ETNK1: variants seen among roughly 807,000 people sequenced by gnomAD.
ETNK1 encodes the protein putative protein product of Nbla10396.
Under a neutral mutation model 45.1 loss-of-function variants are expected in ETNK1, and 8 were observed. The ratio of observed to expected loss-of-function variants is 0.18; its 90% CI spans 0.10 to 0.32. The LOEUF (loss-of-function observed/expected upper bound fraction) is 0.32. ETNK1 is among the 10% of genes least tolerant of loss of function. The pLI, the probability that ETNK1 is intolerant of heterozygous loss-of-function variation, is 1.00. For missense variants in ETNK1, 302 were observed against 430.6 expected, an observed-to-expected ratio of 0.70 and a Z score of 2.64; for synonymous variants, 152 against 151.9, an observed-to-expected ratio of 1.00 and a Z score of -0.01.
At chr12:22,655,167 C>A (rs931817726) in intron 2 of ETNK1, among the ~76,000 whole-genome samples, 1 of 152,068 alleles carries the variant, frequency 6.6e-6, no homozygotes, top group Non-Finnish European at 1.5e-5. Flanking sequence ...GGGGTTTCAC[C>A]ATGTTGGCCA....
chr12:22,659,210 G>A, intron 3 of ETNK1, 56 bp downstream of exon 3: 2 of 1,487,338 alleles, frequency 1.3e-6, no homozygotes, highest in Non-Finnish European at 1.8e-6. Flanking sequence ...TCTATGATAG[G>A]GTTTCAAAGG....
intron 6 of ETNK1, among the ~76,000 whole-genome samples, chr12:22,679,827 G>A (rs536173075): frequency 1.3e-5 from 2 of 151,916 alleles, no homozygotes; most frequent in East Asian, 3.9e-4. Flanking sequence ...CAGTAGCTAG[G>A]AGTACAGGCG....
At position 22,682,043 on chromosome 12, in the gene ETNK1, T is replaced by C. The variant is rs553361838; in HGVS notation, c.946-2440T>C. ...AAATCTACTGGTTTATCTTGCAGATTGAATGATTCTTTTACCTGTATGTGA... is the reference window on the plus strand; with the variant it reads ...AAATCTACTGGTTTATCTTGCAGATCGAATGATTCTTTTACCTGTATGTGA... On this transcript the variant is annotated intron_variant, in intron 6 of 7. Transcript: ENST00000266517. Among the ~76,000 whole-genome samples the C allele has an allele frequency of 4.6e-5, 7 of 152,310 alleles. No individual in the cohort carries two copies. In the East Asian group the frequency reaches 1.2e-3, roughly 25 times the overall value.
Position 22,625,238 on chromosome 12 carries a change from T to C in ETNK1, c.-193T>C, listed in dbSNP as rs777415583. ...GAGAGCGGGCCGGGCTCAGTTCAGC[T>C]GCTGTCCAGACCCGGATCGGCAACA... is the stretch of plus-strand genomic sequence containing the variant. On this transcript the variant is annotated 5_prime_UTR_variant, in exon 1 of 8. Transcript: ENST00000266517. 1 of 1,612,114 alleles carries C rather than the reference T, an allele frequency of 6.2e-7. No homozygotes were observed. Among genetic ancestry groups the C allele is most frequent in the South Asian group, 1.1e-5 (1 of 91,024 alleles).
intron 1 of ETNK1, among the ~76,000 whole-genome samples, chr12:22,631,291 C>T (rs1206842744): frequency 3.3e-5 from 5 of 151,972 alleles, no homozygotes. Flanking sequence ...TCTCCTGCCT[C>T]AGCCTCCAGA....
chr12:22,659,201 C>A, intron 3 of ETNK1, 47 bp downstream of exon 3: 2 of 1,545,954 alleles, frequency 1.3e-6, no homozygotes, highest in South Asian at 1.2e-5. Context: ...TTGCTTTGCT[C>A]TATGATAGGG....
intron 2 of ETNK1, among the ~76,000 whole-genome samples, chr12:22,649,595 A>T (rs375363269): frequency 2.3e-4 from 35 of 151,974 alleles, no homozygotes; most frequent in African/African-American, 7.2e-4. Flanking sequence ...TGCAGATATC[A>T]CACTACCTTA....
At chr12:22,661,025 T>G in intron 3 of ETNK1, 38 bp from the exon 4 acceptor site, 1 of 1,566,266 alleles carries the variant, frequency 6.4e-7, no homozygotes, top group Non-Finnish European at 8.6e-7. Flanking sequence ...TTGAAAAAAA[T>G]GTCACACAAG....
chr12:22,684,437 A>G (rs746372649), intron 6 of ETNK1, 46 bp from the exon 7 acceptor site: 1 of 1,342,486 alleles, frequency 7.4e-7, no homozygotes. Flanking sequence ...TGTTTTACAG[A>G]GAAATTCATT....
At chr12:22,653,055 G>C (rs1412976551) in intron 2 of ETNK1, among the ~76,000 whole-genome samples, 2 of 152,080 alleles carry the variant, frequency 1.3e-5, no homozygotes, top group Admixed American at 6.6e-5. Context: ...TTTGGATGTG[G>C]ATATCTAGTT....
intron 2 of ETNK1, chr12:22,644,421 T>A: frequency 8.5e-7 from 1 of 1,170,544 alleles, no homozygotes; most frequent in South Asian, 3.4e-5. Context: ...AACAATTCTT[T>A]GTTCTTTACG....
intron 3 of ETNK1, among the ~76,000 whole-genome samples, chr12:22,660,694 T>C (rs1043048299): frequency 2.6e-4 from 40 of 152,114 alleles, no homozygotes; most frequent in South Asian, 2.1e-4. Context: ...TACTTAAACC[T>C]CTATTTATTA....
intron 1 of ETNK1, 171 bp downstream of exon 1, chr12:22,625,757 C>T (rs1953485452): frequency 1.0e-6 from 1 of 994,690 alleles, no homozygotes; most frequent in Admixed American, 2.0e-5. Flanking sequence ...GGGTCACTCC[C>T]CCTTCCCGTC....
chr12:22,662,411 A>G (rs1401952791), intron 4 of ETNK1, among the ~76,000 whole-genome samples: 2 of 129,598 alleles, frequency 1.5e-5, no homozygotes, highest in Admixed American at 8.0e-5. Flanking sequence ...TTTTTTTTTA[A>G]GTGACTGGAT....
chr12:22,672,366 G>T (rs1482905682), intron 5 of ETNK1, among the ~76,000 whole-genome samples: 4 of 151,878 alleles, frequency 2.6e-5, no homozygotes, highest in African/African-American at 9.7e-5. Flanking sequence ...TTATATTTGT[G>T]TAAGTTTATA....
intron 1 of ETNK1, chr12:22,639,024 AAG>A (rs1953694169): frequency 6.6e-6 from 1 of 152,156 alleles, no homozygotes; most frequent in Admixed American, 6.5e-5. Context: ...TTACCTCAAA[AAG>A]TATTTTTATA....
intron 1 of ETNK1, among the ~76,000 whole-genome samples, chr12:22,635,664 AT>A (rs1179881742): frequency 1.3e-5 from 2 of 152,156 alleles, no homozygotes; most frequent in African/African-American, 4.8e-5. Flanking sequence ...TATGTATTTG[AT>A]TCATTTCCAA....
intron 2 of ETNK1, chr12:22,656,295 T>G: frequency 2.3e-6 from 1 of 442,246 alleles, no homozygotes; most frequent in Non-Finnish European, 3.0e-6. Context: ...TGCAGCATGA[T>G]TCTCATGAAC....
chr12:22,684,358 T>C (rs1027779309), intron 6 of ETNK1, 125 bp from the exon 7 acceptor site: 125 of 662,450 alleles, frequency 1.9e-4, no homozygotes, highest in Non-Finnish European at 2.5e-4. Context: ...AGACGCTTTA[T>C]ATAAAAAGAA....
Sources: gnomAD v4.1 joint callset for allele counts (sites outside exome capture counted in the v4.1 genomes callset) on GRCh38, gnomAD v4.1.1 for gene constraint, MANE v1.5 for transcripts, NCBI Gene and HGNC (gene_info 2026-07-23, HGNC 2026-07-21) for gene names.